PTPN1: variants seen among roughly 807,000 people sequenced by gnomAD.
PTPN1 encodes tyrosine-protein phosphatase non-receptor type 1.
Under a neutral mutation model 59.9 loss-of-function variants are expected in PTPN1, and 12 were observed. The ratio of observed to expected loss-of-function variants is 0.20; its 90% CI spans 0.13 to 0.32. PTPN1 has a LOEUF of 0.32. Among genes scored for constraint, PTPN1 ranks in the 10% least tolerant of loss-of-function variants. PTPN1 has a pLI of 1.00. For missense variants in PTPN1, 356 were observed against 549.2 expected, an observed-to-expected ratio of 0.65 and a Z score of 3.52; for synonymous variants, 178 against 203.6, an observed-to-expected ratio of 0.87 and a Z score of 1.07.
chr20:50,535,074 C>T (rs1007099630), intron 1 of PTPN1, among the ~76,000 whole-genome samples: 3 of 152,098 alleles, frequency 2.0e-5, no homozygotes, highest in African/African-American at 7.2e-5. Context: ...TCCTTCACTT[C>T]CTTCCCAAGC....
At chr20:50,579,575 T>C in intron 7 of PTPN1, 128 bp from the exon 8 acceptor site, 3 of 932,716 alleles carry the variant, frequency 3.2e-6, no homozygotes, top group Non-Finnish European at 5.0e-6. Context: ...ATCTTCCAAG[T>C]ACATGGCTGC....
intron 3 of PTPN1, among the ~76,000 whole-genome samples, chr20:50,566,540 C>T (rs1056045355): frequency 2.6e-5 from 4 of 152,026 alleles, no homozygotes; most frequent in Non-Finnish European, 5.9e-5. Flanking sequence ...GCAGCCTGAC[C>T]CCAAAGCATC....
At position 50,582,132 on chromosome 20, in the gene PTPN1, C is replaced by T. The variant is rs900304739; in HGVS notation, c.1285-560C>T. On this transcript the variant is annotated intron_variant, in intron 9 of 9. Coordinates refer to ENST00000371621, the MANE Select transcript of PTPN1 (RefSeq NM_002827.4). This position sits in a 1 kb window ranked among gnomAD's most constrained non-coding sequence, Gnocchi z 4.2. ...CCTCTGCTTCTGCTCAGGGTGTCCC[C>T]GCTGGGTTTCCATTGTCCTTTCTCC... Among the ~76,000 whole-genome samples the T allele has an allele frequency of 2.6e-5, 4 of 152,228 alleles. No individual in the cohort carries two copies. The highest frequency in any genetic ancestry group is 4.8e-5 in the African/African-American group (2 of 41,452).
intron 1 of PTPN1, among the ~76,000 whole-genome samples, chr20:50,521,198 T>A (rs1301727560): frequency 6.6e-6 from 1 of 152,258 alleles, no homozygotes; most frequent in African/African-American, 2.4e-5. Context: ...ATGAATGTAG[T>A]TCCTTTTGAA....
intron 1 of PTPN1, among the ~76,000 whole-genome samples, chr20:50,557,381 A>G (rs1328133808): frequency 6.6e-6 from 1 of 152,054 alleles, no homozygotes; most frequent in Non-Finnish European, 1.5e-5. Context: ...CGCTACAGGC[A>G]CATACCACCA....
rs2082501110 is a variant in PTPN1 at position 50,510,472 on chromosome 20, A to G, written c.-56A>G. 6.5e-7 allele frequency: 1 copy of G among 1,539,040 alleles called. No individual in the cohort carries two copies. The highest frequency in any genetic ancestry group is 1.4e-5 in the African/African-American group (1 of 72,396). On this transcript the variant is annotated 5_prime_UTR_variant, in exon 1 of 10. Coordinates refer to ENST00000371621, the MANE Select transcript of PTPN1 (RefSeq NM_002827.4). ...GGGCTAAGAGCGCGACGCGGCCTAG[A>G]GCGGCAGACGGCGCAGTGGGCCGAG... is the stretch of plus-strand genomic sequence containing the variant.
intron 1 of PTPN1, among the ~76,000 whole-genome samples, chr20:50,511,606 G>A (rs1467728547): frequency 6.6e-6 from 1 of 152,152 alleles, no homozygotes; most frequent in African/African-American, 2.4e-5. Flanking sequence ...TCATCTCCTT[G>A]TGTGTTAAAA....
At chr20:50,565,709 A>G (rs1438282669) in intron 3 of PTPN1, among the ~76,000 whole-genome samples, 1 of 152,090 alleles carries the variant, frequency 6.6e-6, no homozygotes, top group Non-Finnish European at 1.5e-5. Context: ...TAATCTTCTC[A>G]AGTCTTAACT....
intron 1 of PTPN1, among the ~76,000 whole-genome samples, chr20:50,555,986 G>T (rs2082724293): frequency 6.6e-6 from 1 of 151,500 alleles, no homozygotes; most frequent in Non-Finnish European, 1.5e-5. Flanking sequence ...GCTTCCAAAT[G>T]ATACGTAGAA....
At chr20:50,545,049 A>G (rs368295268) in intron 1 of PTPN1, among the ~76,000 whole-genome samples, 2 of 152,220 alleles carry the variant, frequency 1.3e-5, no homozygotes, top group East Asian at 3.8e-4. Flanking sequence ...TGTTAGCAGA[A>G]GTAGCCACAG....
Position 50,516,709 on chromosome 20 carries a change from C to G in PTPN1, c.63+6119C>G, listed in dbSNP as rs554281210. 3.3e-5 allele frequency among the ~76,000 whole-genome samples: 5 copies of G among 152,260 alleles called. No homozygotes were observed. The South Asian group carries it at 1.0e-3, about 32-fold the overall frequency. On this transcript the variant is annotated intron_variant, in intron 1 of 9. Coordinates refer to ENST00000371621, the MANE Select transcript of PTPN1 (RefSeq NM_002827.4). Reference sequence around the variant, plus strand: ...ATGTGGAAAATGAGTAGCCCTGACACGTACGCTATGCTTTTGCAGTTTTTC... The same window carrying G: ...ATGTGGAAAATGAGTAGCCCTGACAGGTACGCTATGCTTTTGCAGTTTTTC...
chr20:50,547,374 T>A (rs910795958), intron 1 of PTPN1, among the ~76,000 whole-genome samples: 3 of 130,260 alleles, frequency 2.3e-5, no homozygotes, highest in Non-Finnish European at 5.3e-5. Flanking sequence ...CTGCATTAAC[T>A]TTTTTTTTTT....
intron 1 of PTPN1, among the ~76,000 whole-genome samples, chr20:50,525,805 G>A (rs1432746201): frequency 6.6e-6 from 1 of 151,894 alleles, no homozygotes; most frequent in African/African-American, 2.4e-5. Flanking sequence ...GTGTCACTGA[G>A]TGGATACCAT....
At chr20:50,522,572 A>G (rs2082555900) in intron 1 of PTPN1, among the ~76,000 whole-genome samples, 1 of 152,348 alleles carries the variant, frequency 6.6e-6, no homozygotes, top group East Asian at 1.9e-4. Flanking sequence ...ACAAAAGTAC[A>G]TATTATGTTG....
chr20:50,573,918 A>G (rs991902020), intron 4 of PTPN1: 1 of 152,264 alleles, frequency 6.6e-6, no homozygotes, highest in Non-Finnish European at 1.5e-5. Context: ...GTCTGAGATT[A>G]TCAAAATAGA....
At chr20:50,553,212 G>A (rs962253661) in intron 1 of PTPN1, among the ~76,000 whole-genome samples, 69 of 152,246 alleles carry the variant, frequency 4.5e-4, no homozygotes, top group Non-Finnish European at 8.2e-4. Flanking sequence ...TTTTTGTCTG[G>A]TGACTAATAC....
At chr20:50,580,793 A>G (rs919158383) in intron 8 of PTPN1, among the ~76,000 whole-genome samples, 2 of 152,228 alleles carry the variant, frequency 1.3e-5, no homozygotes, top group Non-Finnish European at 2.9e-5. Context: ...GTAGTGAAAA[A>G]TTAGAGACAG....
intron 3 of PTPN1, among the ~76,000 whole-genome samples, chr20:50,565,732 G>A (rs1401966050): frequency 1.3e-5 from 2 of 152,136 alleles, no homozygotes; most frequent in East Asian, 3.9e-4. Context: ...TTACCTGTAA[G>A]TTGGTCTAAA....
At chr20:50,538,933 A>C (rs907860539) in intron 1 of PTPN1, among the ~76,000 whole-genome samples, 1 of 151,762 alleles carries the variant, frequency 6.6e-6, no homozygotes, top group African/African-American at 2.4e-5. Context: ...TCTGCCTCGG[A>C]CATAGCTGTA....
Sources: allele counts gnomAD v4.1 joint callset (sites outside exome capture counted in the v4.1 genomes callset), GRCh38; gene constraint gnomAD v4.1.1; non-coding constraint Gnocchi (gnomAD v3.1); transcripts MANE v1.5; gene names NCBI Gene and HGNC (gene_info 2026-07-23, HGNC 2026-07-21).